The following MACROD2 variants were observed in gnomAD, a reference collection of about 807,000 sequenced individuals.
The protein encoded by MACROD2 is ADP-ribose glycohydrolase MACROD2.
A neutral mutation model predicts 70.4 loss-of-function variants in MACROD2; 36 were observed. The ratio of observed to expected loss-of-function variants is 0.51; its 90% CI spans 0.39 to 0.68. MACROD2 has a LOEUF of 0.68. MACROD2 is among the 30% of genes least tolerant of loss of function. The pLI is 0.00. For synonymous variants in MACROD2, 172 were observed against 178.8 expected (o/e 0.96, Z 0.30); for missense variants, 496 against 538.4 (o/e 0.92, Z 0.78).
intron 4 of MACROD2, among the ~76,000 whole-genome samples, chr20:14,597,610 T>C (rs914384773): frequency 1.3e-5 from 2 of 152,272 alleles, no homozygotes; most frequent in African/African-American, 4.8e-5. Flanking sequence ...GCTAGTTGGC[T>C]GAAATGAAAT....
chr20:15,587,079 A>G (rs962029960), intron 8 of MACROD2, among the ~76,000 whole-genome samples: 2 of 152,206 alleles, frequency 1.3e-5, no homozygotes, highest in African/African-American at 4.8e-5. Context: ...GATAAATCAT[A>G]CCTGAGACTG....
intron 6 of MACROD2, among the ~76,000 whole-genome samples, chr20:15,381,419 G>A (rs991861761): frequency 8.6e-5 from 13 of 151,812 alleles, no homozygotes; most frequent in African/African-American, 3.1e-4. Context: ...TAAAAATCTA[G>A]GCCAGGCACA....
In MACROD2 at chr20:14,526,943, T is replaced by C. The variant is rs192481974; in HGVS notation, c.301+33435T>C. 4.8e-3 allele frequency among the ~76,000 whole-genome samples: 727 copies of C among 152,368 alleles called. 3 individuals carry two copies. Among genetic ancestry groups the C allele is most frequent in the Non-Finnish European group, 6.8e-3 (466 of 68,034 alleles). On this transcript the variant is annotated intron_variant, in intron 4 of 17. Coordinates refer to ENST00000684519, the MANE Select transcript of MACROD2 (RefSeq NM_001351661.2). ...AATTGCAGAGACAAAGGGCTTTCTG[T>C]ATCCTGGGACTCTTGCCTTGGTGTT...
chr20:15,486,909 G>A (rs1038593193), intron 7 of MACROD2, among the ~76,000 whole-genome samples: 3 of 152,142 alleles, frequency 2.0e-5, no homozygotes, highest in Non-Finnish European at 2.9e-5. Flanking sequence ...AGCATGTATT[G>A]TCTTATTTAC....
intron 5 of MACROD2, among the ~76,000 whole-genome samples, chr20:15,078,708 CTTTTT>C (rs11407171): frequency 6.9e-6 from 1 of 145,928 alleles, no homozygotes; most frequent in African/African-American, 2.5e-5. Context: ...CCTTCACTTT[CTTTTT>C]TTTTTTTTCT....
intron 2 of MACROD2, among the ~76,000 whole-genome samples, chr20:14,042,668 T>C (rs2053409245): frequency 6.6e-6 from 1 of 152,110 alleles, no homozygotes; most frequent in Non-Finnish European, 1.5e-5. Context: ...TCCAGTTAAT[T>C]TTTGTATTTT....
chr20:14,868,413 A>C (rs1460556075), intron 5 of MACROD2, among the ~76,000 whole-genome samples: 1 of 151,608 alleles, frequency 6.6e-6, no homozygotes, highest in Admixed American at 6.6e-5. Flanking sequence ...TGATTCTCTC[A>C]CCTTGGCCTC....
At chr20:15,885,069 A>T (rs918111781) in intron 9 of MACROD2, among the ~76,000 whole-genome samples, 2 of 152,074 alleles carry the variant, frequency 1.3e-5, no homozygotes, top group African/African-American at 2.4e-5. Context: ...TTTTGGGGGG[A>T]TACAGATATT....
intron 5 of MACROD2, among the ~76,000 whole-genome samples, chr20:14,962,437 T>C (rs2074591731): frequency 2.1e-5 from 3 of 143,956 alleles, no homozygotes; most frequent in Admixed American, 2.0e-4. Flanking sequence ...TACACACACA[T>C]ATATATAGTA....
chr20:15,565,220 G>A (rs1021854457), intron 8 of MACROD2, among the ~76,000 whole-genome samples: 1 of 152,094 alleles, frequency 6.6e-6, no homozygotes, highest in African/African-American at 2.4e-5. Context: ...TTACCAACAG[G>A]AAGCATTTCA....
intron 15 of MACROD2, among the ~76,000 whole-genome samples, chr20:16,038,420 A>G (rs2067262883): frequency 6.6e-6 from 1 of 151,782 alleles, no homozygotes; most frequent in African/African-American, 2.4e-5. Context: ...TTCATCTGCA[A>G]TTTAGGCTTC....
At chr20:15,825,778 C>T (rs967131289) in intron 8 of MACROD2, among the ~76,000 whole-genome samples, 2 of 152,032 alleles carry the variant, frequency 1.3e-5, no homozygotes, top group African/African-American at 4.8e-5. Context: ...GTAGTTCTTG[C>T]TTTCTTGGTG....
rs750363001 is a variant in MACROD2, at chr20:15,349,188, G to A, written c.541-82217G>A. 6.6e-5 allele frequency among the ~76,000 whole-genome samples: 10 copies of A among 152,206 alleles called. No homozygotes were observed. The East Asian group carries it at 9.7e-4, about 15-fold the overall frequency. On this transcript the variant is annotated intron_variant, in intron 6 of 17. Coordinates refer to ENST00000684519, the MANE Select transcript of MACROD2 (RefSeq NM_001351661.2). ...AATGTTTTAAACTCATGGAATGTTC[G>A]TGTCAACTCTTTCAAATCAAGTGTG... is the stretch of plus-strand genomic sequence containing the variant.
intron 8 of MACROD2, among the ~76,000 whole-genome samples, chr20:15,821,377 A>G (rs947497031): frequency 1.6e-4 from 24 of 151,886 alleles, no homozygotes; most frequent in African/African-American, 5.5e-4. Flanking sequence ...TTTAATATTT[A>G]TTATAAATTA....
At chr20:14,918,624 T>C (rs1448877240) in intron 5 of MACROD2, among the ~76,000 whole-genome samples, 2 of 151,478 alleles carry the variant, frequency 1.3e-5, no homozygotes, top group Non-Finnish European at 2.9e-5. Flanking sequence ...TTTGTTTTTT[T>C]TTTTTTTTCT....
At chr20:15,396,643 T>G (rs1286524760) in intron 6 of MACROD2, among the ~76,000 whole-genome samples, 1 of 152,116 alleles carries the variant, frequency 6.6e-6, no homozygotes, top group Non-Finnish European at 1.5e-5. Flanking sequence ...TCTTAATGAG[T>G]TTTTTATTTT....
At chr20:15,960,800 T>C (rs2147390352) in intron 12 of MACROD2, among the ~76,000 whole-genome samples, 1 of 152,270 alleles carries the variant, frequency 6.6e-6, no homozygotes, top group East Asian at 1.9e-4. Flanking sequence ...CCCTCTGTAC[T>C]GGCACCATCG....
intron 17 of MACROD2, among the ~76,000 whole-genome samples, chr20:16,046,882 A>G (rs976865343): frequency 1.3e-5 from 2 of 151,976 alleles, no homozygotes; most frequent in African/African-American, 4.8e-5. Context: ...GGGTTTCACC[A>G]TGTTGGCCAG....
chr20:14,796,238 T>C (rs1015154141), intron 5 of MACROD2, among the ~76,000 whole-genome samples: 1 of 152,076 alleles, frequency 6.6e-6, no homozygotes, highest in Admixed American at 6.6e-5. Context: ...AACTTGAAAT[T>C]GATCCAGTGT....
Sources: allele counts gnomAD v4.1 joint callset (sites outside exome capture counted in the v4.1 genomes callset), GRCh38; gene constraint gnomAD v4.1.1; transcripts MANE v1.5; gene names NCBI Gene and HGNC (gene_info 2026-07-23, HGNC 2026-07-21).